CACNA1E: variants seen among roughly 807,000 people sequenced by gnomAD.
CACNA1E encodes calcium voltage-gated channel subunit alpha1 E.
Under a neutral mutation model 259.2 loss-of-function variants are expected in CACNA1E, and 40 were observed. The observed-to-expected ratio is 0.15, with a 90% CI of 0.12 to 0.20. The LOEUF is 0.20. Among genes scored for constraint, CACNA1E ranks in the 10% least tolerant of loss-of-function variants. The pLI is 1.00. For synonymous variants in CACNA1E, 1,104 were observed against 1,138.5 expected, an observed-to-expected ratio of 0.97 and a Z score of 0.61; for missense variants, 1,874 against 3,040.1, an observed-to-expected ratio of 0.62 and a Z score of 9.02.
At chr1:181,500,906 C>T (rs1665193562) in intron 1 of CACNA1E, among the ~76,000 whole-genome samples, 1 of 152,254 alleles carries the variant, frequency 6.6e-6, no homozygotes, top group East Asian at 1.9e-4. Flanking sequence ...TTCCATGATG[C>T]TGGTGTTGAT....
intron 20 of CACNA1E, 148 bp from the exon 21 acceptor site, chr1:181,733,289 T>C: frequency 2.5e-6 from 2 of 791,912 alleles, no homozygotes; most frequent in Non-Finnish European, 1.9e-6. Flanking sequence ...TCTTAGCACC[T>C]CTCTGCCTGT....
chr1:181,414,387 G>C (rs549911202), intron 2 of CACNA1E, among the ~76,000 whole-genome samples: 1 of 152,178 alleles, frequency 6.6e-6, no homozygotes, highest in Non-Finnish European at 1.5e-5. Flanking sequence ...GGTGGTCGTG[G>C]TGGGATTTAC....
intron 1 of CACNA1E, among the ~76,000 whole-genome samples, chr1:181,367,142 G>A (rs1054346389): frequency 3.3e-5 from 5 of 152,162 alleles, no homozygotes; most frequent in Admixed American, 1.3e-4. Flanking sequence ...AGGTTGCCAC[G>A]CAAAAGAGTG....
chr1:181,578,172 T>C (rs190555219), intron 4 of CACNA1E, among the ~76,000 whole-genome samples: 3 of 152,328 alleles, frequency 2.0e-5, no homozygotes, highest in African/African-American at 7.2e-5. Flanking sequence ...ATATTTTTCA[T>C]TTTTCCCCTG....
At chr1:181,585,282 G>C (rs1359933218) in intron 6 of CACNA1E, among the ~76,000 whole-genome samples, 1 of 152,206 alleles carries the variant, frequency 6.6e-6, no homozygotes, top group Non-Finnish European at 1.5e-5. Context: ...TTTTCATGGA[G>C]AGGAGAGAGT....
chr1:181,624,587 G>T (rs900222139), intron 6 of CACNA1E, among the ~76,000 whole-genome samples: 1 of 152,132 alleles, frequency 6.6e-6, no homozygotes, highest in Admixed American at 6.5e-5. Context: ...TTTATCATGA[G>T]ATTGCAGCAA....
chr1:181,666,035 G>C (rs1007305438), intron 7 of CACNA1E, among the ~76,000 whole-genome samples: 10 of 151,956 alleles, frequency 6.6e-5, no homozygotes, highest in African/African-American at 2.4e-4. Flanking sequence ...AGTTAATCCT[G>C]GTATCTTCTC....
intron 33 of CACNA1E, 39 bp downstream of exon 33, chr1:181,762,696 C>T: frequency 7.9e-7 from 1 of 1,269,660 alleles, no homozygotes; most frequent in Non-Finnish European, 1.1e-6. Flanking sequence ...AAGCTTGGCC[C>T]TGGAGTAGCA....
chr1:181,549,826 A>G (rs892004785), intron 3 of CACNA1E, among the ~76,000 whole-genome samples: 8 of 152,170 alleles, frequency 5.3e-5, no homozygotes, highest in African/African-American at 9.7e-5. Context: ...CAACCACTGG[A>G]GTGGGCGTGG....
chr1:181,477,925 ACT>A (rs1662970613), intron 2 of CACNA1E, among the ~76,000 whole-genome samples: 1 of 152,102 alleles, frequency 6.6e-6, no homozygotes, highest in South Asian at 2.1e-4. Flanking sequence ...CCTCTGGGAG[ACT>A]CTCTGGTTCA....
intron 12 of CACNA1E, among the ~76,000 whole-genome samples, chr1:181,718,611 A>AAC (rs60522141): frequency 0.073 from 9,105 of 124,138 alleles, 328 homozygotes; most frequent in Middle Eastern, 0.084. Context: ...CCCTCATTCA[A>AAC]ACACACACAC....
At chr1:181,724,795 C>G (rs547040906) in intron 17 of CACNA1E, among the ~76,000 whole-genome samples, 2 of 152,344 alleles carry the variant, frequency 1.3e-5, no homozygotes, top group East Asian at 3.9e-4. Context: ...TATGAGCCCT[C>G]AAAGGAGTCC....
intron 6 of CACNA1E, among the ~76,000 whole-genome samples, chr1:181,647,009 C>T (rs1476499575): frequency 3.5e-5 from 5 of 143,636 alleles, no homozygotes; most frequent in Non-Finnish European, 7.7e-5. Context: ...CTCAGGGGAT[C>T]GGCAGGTGAG....
intron 6 of CACNA1E, among the ~76,000 whole-genome samples, chr1:181,639,798 A>G (rs1657586147): frequency 6.6e-6 from 1 of 152,208 alleles, no homozygotes; most frequent in African/African-American, 2.4e-5. Flanking sequence ...CTTTGGGCAA[A>G]GAGGAAAACC....
chr1:181,655,547 A>G (rs1318307645), intron 7 of CACNA1E, among the ~76,000 whole-genome samples: 2 of 152,216 alleles, frequency 1.3e-5, no homozygotes, highest in Admixed American at 6.5e-5. Context: ...TGGGATCACA[A>G]TATTTTTGAT....
intron 1 of CACNA1E, among the ~76,000 whole-genome samples, chr1:181,484,399 C>T (rs543480473): frequency 6.6e-6 from 1 of 152,254 alleles, no homozygotes; most frequent in South Asian, 2.1e-4. Context: ...TTCTTTAAGC[C>T]AGCCACTCTG....
intron 3 of CACNA1E, among the ~76,000 whole-genome samples, chr1:181,570,126 A>G (rs1313224028): frequency 6.6e-6 from 1 of 151,922 alleles, no homozygotes; most frequent in African/African-American, 2.4e-5. Context: ...CTTCCTCTGT[A>G]ACACCTAATT....
chr1:181,736,332 A>T lies in CACNA1E; in HGVS notation c.3320A>T (p.Asp1107Val). ...TTGAAGGAGGCAGAGATCAGAGAGG[A>T]TGAGGAGGAGGTGGAGAAGAAGAAG... ...SPLKEAEIRE[D>V]EEEVEKKKQK... is the part of the protein sequence containing the mutation. The change falls in exon 22 of 48, where the codon GAT (aspartate) becomes GTT (valine). Residue 1107 changes from aspartate (D) to valine (V), a missense_variant. Physicochemically the swap from Asp to Val is radical, Grantham distance 152 (BLOSUM62 -3). Around this residue, in one of 14 missense-constraint regions of CACNA1E, gnomAD observed 476 missense variants for 514.0 expected, o/e 0.93. Coordinates refer to ENST00000367573, the MANE Select transcript of CACNA1E (RefSeq NM_001205293.3). 4 of 1,607,022 alleles carry T rather than the reference A, an allele frequency of 2.5e-6. No individual in the cohort carries two copies. Among genetic ancestry groups the T allele is most frequent in the Non-Finnish European group, 3.4e-6 (4 of 1,176,558 alleles).
At chr1:181,534,038 T>C (rs1010556770) in intron 3 of CACNA1E, among the ~76,000 whole-genome samples, 2 of 152,108 alleles carry the variant, frequency 1.3e-5, no homozygotes, top group African/African-American at 4.8e-5. Flanking sequence ...TCACCTAGTA[T>C]ATGTTTCTTT....
Sources: gnomAD v4.1 joint callset for allele counts (sites outside exome capture counted in the v4.1 genomes callset) on GRCh38, gnomAD v4.1.1 for gene constraint, gnomAD v4.1.1 regional missense constraint, MANE v1.5 for transcripts, NCBI Gene and HGNC (gene_info 2026-07-23, HGNC 2026-07-21) for gene names.